Variants in HSPG2 observed in about 807,000 individuals in gnomAD.
The protein encoded by HSPG2 is heparan sulfate proteoglycan 2.
A neutral mutation model predicts 526.6 loss-of-function variants in HSPG2; 278 were observed. That is an observed-to-expected ratio of 0.53 (90% confidence interval 0.48 to 0.58). The LOEUF is 0.58. Ranked by LOEUF, HSPG2 falls within the 20% of genes least tolerant of loss-of-function variation. The pLI, the probability that HSPG2 is intolerant of heterozygous loss-of-function variation, is 0.00. For missense variants in HSPG2, 5,354 were observed against 6,099.5 expected, an observed-to-expected ratio of 0.88 and a Z score of 4.07; for synonymous variants, 2,465 against 2,555.4, an observed-to-expected ratio of 0.96 and a Z score of 1.07.
intron 1 of HSPG2, among the ~76,000 whole-genome samples, chr1:21,912,208 A>C (rs1643716758): frequency 6.6e-6 from 1 of 152,170 alleles, no homozygotes; most frequent in Non-Finnish European, 1.5e-5. Flanking sequence ...TGGGCAAATC[A>C]CTTGACCTCT....
rs767229370 is a variant in HSPG2 at position 21,884,565 on chromosome 1, C to T, written c.1617G>A (p.Gln539=). Residue 539 remains glutamine (Q), a synonymous_variant, in exon 13 of 97, where the codon CAG becomes CAA. Transcript: ENST00000374695. ...CGGGTTGGTCAAAGCGCAGCCTGATCTGGTCCCGGAAGCGGCGGGTGCTCT... is the reference window on the plus strand; with the variant it reads ...CGGGTTGGTCAAAGCGCAGCCTGATTTGGTCCCGGAAGCGGCGGGTGCTCT... ...VCQSTRRFRD[Q]IRLRFDQPDD... 1 of 1,611,388 alleles carries T rather than the reference C, an allele frequency of 6.2e-7. No homozygotes were observed. Among genetic ancestry groups the T allele is most frequent in the South Asian group, 1.1e-5 (1 of 91,004 alleles).
At chr1:21,849,579 A>T (rs921605859) in intron 57 of HSPG2, among the ~76,000 whole-genome samples, 3 of 152,218 alleles carry the variant, frequency 2.0e-5, no homozygotes, top group African/African-American at 7.2e-5. Context: ...ATCATAGGAC[A>T]CTGAGGGTCA....
At chr1:21,919,424 T>C (rs1211963452) in intron 1 of HSPG2, among the ~76,000 whole-genome samples, 1 of 78,512 alleles carries the variant, frequency 1.3e-5, no homozygotes, top group Non-Finnish European at 3.3e-5. Context: ...AGACCCTGTC[T>C]CAAAAAAAAA....
chr1:21,847,478 G>T lies in HSPG2; in HGVS notation c.8040C>A (p.His2680Gln), dbSNP rs1368615717. ...LPSRHQTHGS[H>Q]LRLHQMSVAD... Reference sequence around the variant, plus strand: ...CCACAGACATTTGGTGCAACCGCAGGTGGGAGCCATGGGTCTGGACGTGCG... The same window carrying T: ...CCACAGACATTTGGTGCAACCGCAGTTGGGAGCCATGGGTCTGGACGTGCG... The change falls in exon 62 of 97, where the codon CAC becomes CAA. Residue 2680 changes from histidine (H) to glutamine (Q), a missense_variant. Coordinates refer to ENST00000374695, the MANE Select transcript of HSPG2 (RefSeq NM_005529.7). This position sits in a 1 kb window ranked among gnomAD's most constrained non-coding sequence, Gnocchi z 4.1. The T allele has an allele frequency of 6.2e-7, 1 of 1,613,766 alleles. No individual in the cohort carries two copies. The highest frequency in any genetic ancestry group is 1.3e-5 in the African/African-American group (1 of 75,010).
rs773286702 is a variant in HSPG2, at chr1:21,887,590, A to C, written c.788T>G (p.Met263Arg). ...SLPPRPETTI[M>R]RQPPVTHAPQ... ...AGCGTGGGTGACTGGTGGCTGTCGCATGATGGTTGTCTCTGGCCGGGGCGG... is the reference window on the plus strand; with the variant it reads ...AGCGTGGGTGACTGGTGGCTGTCGCCTGATGGTTGTCTCTGGCCGGGGCGG... Residue 263 changes from methionine to arginine, a missense_variant, in exon 8 of 97, where the codon ATG (methionine) becomes AGG (arginine). Coordinates refer to ENST00000374695, the MANE Select transcript of HSPG2 (RefSeq NM_005529.7). The surrounding 1 kb of genome is among the most constrained non-coding windows in gnomAD (Gnocchi z 5.0). The C allele has an allele frequency of 6.2e-7, 1 of 1,613,950 alleles. No individual in the cohort carries two copies. Among genetic ancestry groups the C allele is most frequent in the Non-Finnish European group, 8.5e-7 (1 of 1,180,018 alleles).
intron 68 of HSPG2, 35 bp downstream of exon 68, chr1:21,842,204 C>T: frequency 6.2e-7 from 1 of 1,612,962 alleles, no homozygotes; most frequent in Non-Finnish European, 8.5e-7. Flanking sequence ...AGGGCCCTCC[C>T]TTCCCCCCTT....
intron 39 of HSPG2, 105 bp downstream of exon 39, chr1:21,861,652 G>A: frequency 9.6e-7 from 1 of 1,037,536 alleles, no homozygotes; most frequent in Non-Finnish European, 1.5e-6. Context: ...CAGGGAAGGA[G>A]CATAATCCTA....
chr1:21,922,218 A>G (rs1161614623), intron 1 of HSPG2, among the ~76,000 whole-genome samples: 4 of 152,236 alleles, frequency 2.6e-5, no homozygotes, highest in Non-Finnish European at 5.9e-5. Flanking sequence ...CACCTGACAG[A>G]GGAGGCTCAG....
In HSPG2 at chr1:21,846,187, C is replaced by G. The variant is rs1202808806; in HGVS notation, c.8385G>C (p.Val2795=). 1 of 1,613,118 alleles carries G rather than the reference C, an allele frequency of 6.2e-7. No individual in the cohort carries two copies. The highest frequency in any genetic ancestry group is 2.2e-5 in the East Asian group (1 of 44,892). The change falls in exon 64 of 97, where the codon GTG becomes GTC. Residue 2795 remains valine, a synonymous_variant. Coordinates refer to ENST00000374695, the MANE Select transcript of HSPG2 (RefSeq NM_005529.7). ...CCTCCAGGGGGCCAGAGCTGCCCAT[C>G]ACCCGGCACACGTATTCACCCGAGT... is the stretch of plus-strand genomic sequence containing the variant. ...PADSGEYVCR[V]MGSSGPLEAS... is the part of the protein sequence containing the mutation.
Position 21,875,998 on chromosome 1 carries a change from C to T in HSPG2, c.3048G>A (p.Arg1016=), listed in dbSNP as rs772980629. The change falls in exon 24 of 97, where the codon AGG becomes AGA. Residue 1016 remains arginine (R), a synonymous_variant. Coordinates refer to ENST00000374695, the MANE Select transcript of HSPG2 (RefSeq NM_005529.7). ...GCAGGGGTGTGGAGCCCGGCTGGGA[C>T]CTCTGGGTCACTGTGAAGCGCAGCT... ...GGELRFTVTQ[R]SQPGSTPLHG... is the part of the protein sequence containing the mutation. 6 of 1,614,148 alleles carry T rather than the reference C, an allele frequency of 3.7e-6. No individual in the cohort carries two copies. Among genetic ancestry groups the T allele is most frequent in the Non-Finnish European group, 5.1e-6 (6 of 1,180,024 alleles).
chr1:21,824,212 C>T lies in HSPG2; in HGVS notation c.12816-8G>A, dbSNP rs543798581. Reference sequence around the variant, plus strand: ...CCACTACCCAGCTGGTACCTGCAGTCATCCAGGCCCAAGAAGTATGAGCTG... The same window carrying T: ...CCACTACCCAGCTGGTACCTGCAGTTATCCAGGCCCAAGAAGTATGAGCTG... On this transcript the variant is annotated splice_polypyrimidine_tract_variant and splice_region_variant and intron_variant, in intron 94 of 96. Transcript: ENST00000374695. This position sits in a 1 kb window ranked among gnomAD's most constrained non-coding sequence, Gnocchi z 5.9. 5.0e-6 allele frequency: 8 copies of T among 1,613,678 alleles called. No homozygotes were observed. Among genetic ancestry groups the T allele is most frequent in the Non-Finnish European group, 1.7e-6 (2 of 1,180,008 alleles).
At chr1:21,908,816 TA>T (rs1036829801) in intron 1 of HSPG2, among the ~76,000 whole-genome samples, 3 of 152,188 alleles carry the variant, frequency 2.0e-5, no homozygotes, top group Admixed American at 1.3e-4. Context: ...GGAACAGGGC[TA>T]AAGGAGGGGA....
chr1:21,827,705 G>T (rs1291052751), intron 91 of HSPG2, among the ~76,000 whole-genome samples, 158 bp downstream of exon 91: 2 of 152,230 alleles, frequency 1.3e-5, no homozygotes, highest in African/African-American at 4.8e-5. Flanking sequence ...GTGTGGGGCA[G>T]GCCCTAGCTC....
At position 21,923,299 on chromosome 1, in the gene HSPG2, C is replaced by T. The variant is rs554039915; in HGVS notation, c.63+13856G>A. ...GCGGGCGCCTGTAATCCCAGCTACT[C>T]GGGAGGCTGAGGCAGGAGAATCGCT... On this transcript the variant is annotated intron_variant, in intron 1 of 96. Coordinates refer to ENST00000374695, the MANE Select transcript of HSPG2 (RefSeq NM_005529.7). 2.0e-3 allele frequency among the ~76,000 whole-genome samples: 301 copies of T among 152,044 alleles called. 2 individuals are homozygous for T. Among genetic ancestry groups the T allele is most frequent in the African/African-American group, 6.8e-3 (281 of 41,466 alleles).
At chr1:21,920,370 C>T (rs1420737513) in intron 1 of HSPG2, among the ~76,000 whole-genome samples, 1 of 152,220 alleles carries the variant, frequency 6.6e-6, no homozygotes, top group Non-Finnish European at 1.5e-5. Context: ...CCTCGAGTAG[C>T]AGCCACAGGC....
intron 50 of HSPG2, 87 bp downstream of exon 50, chr1:21,854,105 CT>C: frequency 2.8e-6 from 4 of 1,408,452 alleles, no homozygotes; most frequent in Non-Finnish European, 3.8e-6. Flanking sequence ...GAATGCCCCC[CT>C]GTCCTGGTCC....
chr1:21,877,056 T>C (rs1641125126), intron 21 of HSPG2, among the ~76,000 whole-genome samples: 1 of 32,030 alleles, frequency 3.1e-5, no homozygotes, highest in Non-Finnish European at 6.5e-5. Context: ...CGAGACTCCA[T>C]CTCAAAAAAA....
intron 1 of HSPG2, among the ~76,000 whole-genome samples, chr1:21,905,674 A>C (rs947048555): frequency 1.3e-5 from 2 of 152,176 alleles, no homozygotes; most frequent in Non-Finnish European, 2.9e-5. Flanking sequence ...CCCAGGAGGC[A>C]GAGGTTGCAG....
In HSPG2 at chr1:21,854,764, G is replaced by A; in HGVS notation, c.6135C>T (p.Ala2045=). ...TGACCGGCGGTGGGCTGGCATCTGA[G>A]GCTGGGGCCAGAGTAGGGGTCAGCA... ...QARIQVVVLS[A]SDASPPPVKI... Residue 2045 remains alanine, a splice_region_variant and synonymous_variant, in exon 49 of 97, where the codon GCC becomes GCT. Coordinates refer to ENST00000374695, the MANE Select transcript of HSPG2 (RefSeq NM_005529.7). 6.2e-7 allele frequency: 1 copy of A among 1,613,630 alleles called. No individual in the cohort carries two copies. Among genetic ancestry groups the A allele is most frequent in the Non-Finnish European group, 8.5e-7 (1 of 1,179,812 alleles).
Sources: allele counts gnomAD v4.1 joint callset (sites outside exome capture counted in the v4.1 genomes callset), GRCh38; gene constraint gnomAD v4.1.1; non-coding constraint Gnocchi (gnomAD v3.1); transcripts MANE v1.5; gene names NCBI Gene and HGNC (gene_info 2026-07-23, HGNC 2026-07-21).